ACTN1: variants seen among roughly 807,000 people sequenced by gnomAD.
ACTN1 encodes alpha-actinin-1.
In ACTN1, 30 loss-of-function variants were observed where a neutral mutation model predicts 119.6. The ratio of observed to expected loss-of-function variants is 0.25; its 90% CI spans 0.19 to 0.34. The LOEUF (loss-of-function observed/expected upper bound fraction) is 0.34. Among genes scored for constraint, ACTN1 ranks in the 10% least tolerant of loss-of-function variants. The probability of loss-of-function intolerance (pLI) is 1.00; values close to 1 mark genes in which losing one functional copy is unlikely to be tolerated. For synonymous variants in ACTN1, 429 were observed against 472.6 expected (o/e 0.91, Z 1.20); for missense variants, 764 against 1,223.4 (o/e 0.62, Z 5.60).
In ACTN1 at chr14:68,874,817, C is replaced by T. The variant is rs1013518228; in HGVS notation, c.*42G>A. 1 of 1,511,106 alleles carries T rather than the reference C, an allele frequency of 6.6e-7. No individual in the cohort carries two copies. Among genetic ancestry groups the T allele is most frequent in the Middle Eastern group, 2.3e-4 (1 of 4,414 alleles). The allele number at this position is 1,511,106 out of a possible 1,614,324, so 93.6% of individuals were successfully genotyped here. On this transcript the variant is annotated 3_prime_UTR_variant, in exon 22 of 22. Coordinates refer to ENST00000394419, the MANE Select transcript of ACTN1 (RefSeq NM_001130004.2). ...GATGGGCGACGGCGGAGGTGCAAGG[C>T]AGGGCACGGCGCACAAGACGAGGGC...
At chr14:68,932,724 G>C in intron 1 of ACTN1, among the ~76,000 whole-genome samples, 1 of 151,908 alleles carries the variant, frequency 6.6e-6, no homozygotes, top group South Asian at 2.1e-4. Flanking sequence ...TCTAAGCAAG[G>C]TTTCTCAACC....
chr14:68,897,057 A>T (rs2032931655), intron 8 of ACTN1, among the ~76,000 whole-genome samples: 1 of 152,184 alleles, frequency 6.6e-6, no homozygotes, highest in African/African-American at 2.4e-5. Context: ...ATCTCGGCTC[A>T]CTGCAACCTC....
rs1383792017 is a variant in ACTN1 at position 68,880,101 on chromosome 14, C to T, written c.2141G>A (p.Arg714His). The change falls in exon 18 of 22, where the codon CGT (arginine) becomes CAT (histidine). Residue 714 changes from arginine (R) to histidine (H), a missense_variant. Coordinates refer to ENST00000394419, the MANE Select transcript of ACTN1 (RefSeq NM_001130004.2). The surrounding 1 kb of genome is among the most constrained non-coding windows in gnomAD (Gnocchi z 4.6). Reference sequence around the variant, plus strand: ...GGTGAGCAGCTGCTCCCAGCCCACACGGATGTGCTGCAGGACGGCAAGGGG... The same window carrying T: ...GGTGAGCAGCTGCTCCCAGCCCACATGGATGTGCTGCAGGACGGCAAGGGG... The part of the protein sequence containing the change: ...KHTNYTMEHI[R>H]VGWEQLLTTI... 7 of 1,613,904 alleles carry T rather than the reference C, an allele frequency of 4.3e-6. No individual in the cohort carries two copies. The highest frequency in any genetic ancestry group is 2.2e-5 in the East Asian group (1 of 44,882).
In ACTN1 at chr14:68,922,477, A is replaced by C. The variant is rs989715209; in HGVS notation, c.221-1352T>G. 1.1e-4 allele frequency among the ~76,000 whole-genome samples: 17 copies of C among 152,228 alleles called. 1 individual carries two copies. The highest frequency in any genetic ancestry group is 1.1e-3 in the Admixed American group (17 of 15,288). ...TTTCCTGTCCGGGGGGAGATGGCAC[A>C]GAGGCTCCCTCCCCACAGGATGGAT... On this transcript the variant is annotated intron_variant, in intron 2 of 21. Transcript: ENST00000394419.
At chr14:68,893,522 G>A (rs1221927170) in intron 9 of ACTN1, 133 bp downstream of exon 9, 2 of 830,706 alleles carry the variant, frequency 2.4e-6, no homozygotes, top group African/African-American at 3.4e-5. Flanking sequence ...AGCTCAGGCT[G>A]CCCTGGACTA....
chr14:68,961,628 T>C (rs1340333955), intron 1 of ACTN1, among the ~76,000 whole-genome samples: 1 of 152,140 alleles, frequency 6.6e-6, no homozygotes, highest in East Asian at 1.9e-4. Flanking sequence ...GGTGGTGCCA[T>C]GGATTTCACA....
chr14:68,899,761 C>T (rs528439871), intron 8 of ACTN1, among the ~76,000 whole-genome samples: 122 of 152,232 alleles, frequency 8.0e-4, no homozygotes, highest in Admixed American at 3.9e-3. Flanking sequence ...GGGACAGACC[C>T]CTGAAGGAGA....
In ACTN1 at chr14:68,905,303, C is replaced by T. The variant is rs1489172967; in HGVS notation, c.595-567G>A. On this transcript the variant is annotated intron_variant, in intron 6 of 21. Coordinates refer to ENST00000394419, the MANE Select transcript of ACTN1 (RefSeq NM_001130004.2). ...ACCTTCGCAAGAACACTTAGCGGGG[C>T]TTGGCAAGGATGTTGAGAAGCTGTA... 2.6e-5 allele frequency among the ~76,000 whole-genome samples: 4 copies of T among 152,200 alleles called. No individual in the cohort carries two copies. In the East Asian group the frequency reaches 7.7e-4, roughly 29 times the overall value.
At chr14:68,978,067 C>T (rs1299029414) in intron 1 of ACTN1, 3 of 455,582 alleles carry the variant, frequency 6.6e-6, no homozygotes, top group Non-Finnish European at 1.3e-5. Context: ...GCTCCGAGCC[C>T]AGCTCCCGTG....
intron 1 of ACTN1, among the ~76,000 whole-genome samples, chr14:68,928,731 G>GCT (rs1385363329): frequency 6.6e-6 from 1 of 152,168 alleles, no homozygotes; most frequent in Non-Finnish European, 1.5e-5. Flanking sequence ...GACAGGACTA[G>GCT]CTCCCCCAAA....
intron 6 of ACTN1, among the ~76,000 whole-genome samples, chr14:68,905,172 CTA>C (rs1167052283): frequency 6.6e-6 from 1 of 152,144 alleles, no homozygotes; most frequent in East Asian, 1.9e-4. Flanking sequence ...GCTCTAAACT[CTA>C]GACTAGTCAA....
At chr14:68,887,985 C>T in intron 11 of ACTN1, 2 of 768,928 alleles carry the variant, frequency 2.6e-6, no homozygotes, top group Admixed American at 1.7e-5. Flanking sequence ...TTCGGCTTCG[C>T]TTCCACTTTT....
chr14:68,935,008 G>T (rs189343279), intron 1 of ACTN1, among the ~76,000 whole-genome samples: 1 of 152,250 alleles, frequency 6.6e-6, no homozygotes, highest in African/African-American at 2.4e-5. Flanking sequence ...TGTAAATGTG[G>T]TTGGTTGTGG....
intron 1 of ACTN1, among the ~76,000 whole-genome samples, chr14:68,937,527 A>G (rs2035584677): frequency 6.6e-6 from 1 of 152,216 alleles, no homozygotes; most frequent in South Asian, 2.1e-4. Context: ...AATCTTAAAG[A>G]AAGTCATAAT....
chr14:68,958,745 A>G (rs1171638808), intron 1 of ACTN1, among the ~76,000 whole-genome samples: 1 of 152,218 alleles, frequency 6.6e-6, no homozygotes, highest in Non-Finnish European at 1.5e-5. Context: ...TAATGGAAGA[A>G]TTATTAGCAG....
intron 4 of ACTN1, among the ~76,000 whole-genome samples, chr14:68,910,619 G>T (rs768981524): frequency 2.6e-5 from 4 of 152,164 alleles, no homozygotes; most frequent in Admixed American, 6.5e-5. Flanking sequence ...GGCTCACGGA[G>T]CTCCCAGCAC....
At chr14:68,917,423 G>T (rs543691994) in intron 3 of ACTN1, among the ~76,000 whole-genome samples, 2 of 152,210 alleles carry the variant, frequency 1.3e-5, no homozygotes, top group East Asian at 1.9e-4. Context: ...AGACTTTGGT[G>T]GGGGGTGAGG....
intron 8 of ACTN1, among the ~76,000 whole-genome samples, chr14:68,896,337 C>T (rs2032876628): frequency 6.6e-6 from 1 of 152,030 alleles, no homozygotes; most frequent in Non-Finnish European, 1.5e-5. Flanking sequence ...CCACGTGGTC[C>T]CTTGATGAAG....
At chr14:68,959,831 C>T (rs897045231) in intron 1 of ACTN1, among the ~76,000 whole-genome samples, 5 of 152,138 alleles carry the variant, frequency 3.3e-5, no homozygotes, top group African/African-American at 1.2e-4. Flanking sequence ...GGCAACGACC[C>T]TCACACTCCC....
Sources: gnomAD v4.1 joint callset for allele counts (sites outside exome capture counted in the v4.1 genomes callset) on GRCh38, gnomAD v4.1.1 for gene constraint, Gnocchi (gnomAD v3.1) non-coding constraint, MANE v1.5 for transcripts, NCBI Gene and HGNC (gene_info 2026-07-23, HGNC 2026-07-21) for gene names.